The following SEPTIN7 variants were observed in gnomAD, a reference collection of about 807,000 sequenced individuals.
The protein encoded by SEPTIN7 is septin 7.
A neutral mutation model predicts 63.3 loss-of-function variants in SEPTIN7; 10 were observed. That is an observed-to-expected ratio of 0.16 (90% CI 0.10 to 0.27). The LOEUF is 0.27. Ranked by LOEUF, SEPTIN7 falls within the 10% of genes least tolerant of loss-of-function variation. SEPTIN7 has a pLI of 1.00. For missense variants in SEPTIN7, 310 were observed against 521.0 expected (o/e 0.59, Z 3.94); for synonymous variants, 131 against 165.3 (o/e 0.79, Z 1.59).
rs1787063335 is a variant in SEPTIN7 at position 35,883,944 on chromosome 7, C to T, written c.777C>T (p.Gly259=). ...VGSNTIIEVN[G]KRVRGRQYPW... ...GTAATACTATCATTGAAGTTAATGG[C>T]AAAAGGGTCAGAGGAAGGCAGTATC... The change falls in exon 9 of 14, where the codon GGC becomes GGT. Residue 259 remains glycine (G), a synonymous_variant. Transcript: ENST00000350320. 6.2e-7 allele frequency: 1 copy of T among 1,610,708 alleles called. No individual in the cohort carries two copies. Among genetic ancestry groups the T allele is most frequent in the African/African-American group, 1.3e-5 (1 of 74,890 alleles).
At chr7:35,826,682 T>C (rs1465548744) in intron 1 of SEPTIN7, among the ~76,000 whole-genome samples, 3 of 152,094 alleles carry the variant, frequency 2.0e-5, no homozygotes, top group African/African-American at 7.2e-5. Flanking sequence ...CTGATTTTTA[T>C]TAGGCATCCA....
intron 2 of SEPTIN7, chr7:35,832,596 C>T: frequency 6.9e-6 from 3 of 437,012 alleles, no homozygotes; most frequent in Non-Finnish European, 1.3e-5. Context: ...TATAATTAAC[C>T]ATTATATTGT....
chr7:35,880,199 T>C (rs1336875117), intron 7 of SEPTIN7, among the ~76,000 whole-genome samples: 1 of 145,732 alleles, frequency 6.9e-6, no homozygotes. Flanking sequence ...TTCTTTTCTC[T>C]TTTCTTTTCT....
intron 3 of SEPTIN7, among the ~76,000 whole-genome samples, chr7:35,837,006 T>A (rs1424940854): frequency 6.6e-6 from 1 of 152,136 alleles, no homozygotes; most frequent in Admixed American, 6.5e-5. Flanking sequence ...TTTAAAATGG[T>A]GAATTTTATC....
rs1786310956 is a variant in SEPTIN7, at chr7:35,873,854, T to A, written c.512+79T>A. ...CTTTATGTGCATACTTTAGTAATCT[T>A]TAAGTTTGTGAAGTACACACAACTA... On this transcript the variant is annotated intron_variant, in intron 6 of 13. Transcript: ENST00000350320. 4 of 1,384,252 alleles carry A rather than the reference T, an allele frequency of 2.9e-6. No homozygotes were observed. In the South Asian group the frequency reaches 5.1e-5, roughly 18 times the overall value. The allele number at this position is 1,384,252 out of a possible 1,614,324, so 85.7% of individuals were successfully genotyped here.
At chr7:35,897,753 A>C (rs1489402739) in intron 11 of SEPTIN7, among the ~76,000 whole-genome samples, 1 of 152,192 alleles carries the variant, frequency 6.6e-6, no homozygotes, top group Non-Finnish European at 1.5e-5. Context: ...GGTATTGACT[A>C]GTAGTTGTTT....
chr7:35,837,717 A>T (rs1487613629), intron 3 of SEPTIN7, among the ~76,000 whole-genome samples: 1 of 151,816 alleles, frequency 6.6e-6, no homozygotes, highest in African/African-American at 2.4e-5. Flanking sequence ...TCTGTATTTT[A>T]TTGTTGCTAG....
chr7:35,873,648 C>T lies in SEPTIN7; in HGVS notation c.385C>T (p.Pro129Ser). 6.2e-7 allele frequency: 1 copy of T among 1,608,706 alleles called. No homozygotes were observed. The highest frequency in any genetic ancestry group is 1.3e-5 in the African/African-American group (1 of 74,894). ...DAVDNSNCWQ[P>S]VIDYIDSKFE... ...TTTATTTGCGTTCTATAGCTGGCAG[C>T]CTGTTATCGACTACATTGATAGTAA... is the stretch of plus-strand genomic sequence containing the variant. The change falls in exon 6 of 14, where the codon CCT (proline) becomes TCT (serine). Residue 129 changes from proline to serine, a missense_variant. Coordinates refer to ENST00000350320, the MANE Select transcript of SEPTIN7 (RefSeq NM_001788.6).
At chr7:35,801,666 C>T (rs1271906617) in intron 1 of SEPTIN7, among the ~76,000 whole-genome samples, 1 of 152,218 alleles carries the variant, frequency 6.6e-6, no homozygotes, top group Non-Finnish European at 1.5e-5. Context: ...CCCGCTTCCT[C>T]CTGTCCCCGG....
rs1788563029 is a variant in SEPTIN7 at position 35,905,412 on chromosome 7, TA to T, written c.*1120del. On this transcript the variant is annotated 3_prime_UTR_variant, in exon 14 of 14. Coordinates refer to ENST00000350320, the MANE Select transcript of SEPTIN7 (RefSeq NM_001788.6). Reference sequence around the variant, plus strand: ...TTGCCTCCTCTACAATGACATCTTTTATATGCTTGTCTCATTTAGAATGCAT... The same window carrying T: ...TTGCCTCCTCTACAATGACATCTTTTTATGCTTGTCTCATTTAGAATGCAT... 6.6e-6 allele frequency: 1 copy of T among 152,308 alleles called. No homozygotes were observed. Among genetic ancestry groups the T allele is most frequent in the South Asian group, 2.1e-4 (1 of 4,836 alleles). The allele number at this position is 152,308 out of a possible 1,614,324, so 9.4% of individuals were successfully genotyped here.
chr7:35,869,444 T>TA (rs1786013905), intron 4 of SEPTIN7, among the ~76,000 whole-genome samples: 1 of 152,216 alleles, frequency 6.6e-6, no homozygotes, highest in Non-Finnish European at 1.5e-5. Flanking sequence ...AAGTGGAGTA[T>TA]CTCAGGCCAT....
At chr7:35,828,543 C>T (rs1232630478) in intron 1 of SEPTIN7, among the ~76,000 whole-genome samples, 2 of 152,012 alleles carry the variant, frequency 1.3e-5, no homozygotes, top group Admixed American at 1.3e-4. Flanking sequence ...CAAGTCCGGC[C>T]CATTTTTGTA....
At chr7:35,910,058 A>G (rs138571110), downstream of SEPTIN7, among the ~76,000 whole-genome samples, 34 of 152,318 alleles carry the variant, frequency 2.2e-4, no homozygotes, top group African/African-American at 7.9e-4. Flanking sequence ...CCCTTGCCAC[A>G]TGGACCTCTC....
chr7:35,814,974 C>CAAAAA (rs56795764), intron 1 of SEPTIN7, among the ~76,000 whole-genome samples: 2 of 22,026 alleles, frequency 9.1e-5, no homozygotes, highest in Non-Finnish European at 2.1e-4. Flanking sequence ...GACTCCTTCT[C>CAAAAA]AAAAAAAAAA....
At chr7:35,817,003 C>T (rs1789108759) in intron 1 of SEPTIN7, among the ~76,000 whole-genome samples, 1 of 151,144 alleles carries the variant, frequency 6.6e-6, no homozygotes, top group South Asian at 2.1e-4. Context: ...CCTACAATTC[C>T]ACAGGTTTTT....
chr7:35,837,779 TG>T (rs1435664990), intron 3 of SEPTIN7, among the ~76,000 whole-genome samples: 2 of 152,192 alleles, frequency 1.3e-5, no homozygotes, highest in Non-Finnish European at 2.9e-5. Flanking sequence ...TTGTCCAGGC[TG>T]GAGTGCAGTG....
At chr7:35,882,160 A>G (rs3779233) in intron 7 of SEPTIN7, among the ~76,000 whole-genome samples, 2 of 151,736 alleles carry the variant, frequency 1.3e-5, no homozygotes. Context: ...TAAATGACCT[A>G]AAGTCATTAT....
chr7:35,840,368 C>G (rs1784353555), intron 3 of SEPTIN7, among the ~76,000 whole-genome samples: 1 of 150,404 alleles, frequency 6.6e-6, no homozygotes. Context: ...AAGTGATCGT[C>G]CCACCTCAGC....
chr7:35,821,399 A>G (rs183053498), intron 1 of SEPTIN7, among the ~76,000 whole-genome samples: 289 of 152,298 alleles, frequency 1.9e-3, no homozygotes, highest in Middle Eastern at 6.8e-3. Flanking sequence ...TTTCTAGTCA[A>G]TATATCATTA....
Sources: gnomAD v4.1 joint callset for allele counts (sites outside exome capture counted in the v4.1 genomes callset) on GRCh38, gnomAD v4.1.1 for gene constraint, MANE v1.5 for transcripts, NCBI Gene and HGNC (gene_info 2026-07-23, HGNC 2026-07-21) for gene names.